IL2RA: variants seen among roughly 807,000 people sequenced by gnomAD.
IL2RA encodes the protein interleukin-2 receptor subunit alpha.
A neutral mutation model predicts 37.8 loss-of-function variants in IL2RA; 24 were observed. The ratio of observed to expected loss-of-function variants is 0.63; its 90% CI spans 0.46 to 0.89. IL2RA has a LOEUF of 0.89. Among genes scored for constraint, IL2RA ranks in the 40% least tolerant of loss-of-function variants. The pLI is 0.00. For synonymous variants in IL2RA, 125 were observed against 114.6 expected, an observed-to-expected ratio of 1.09 and a Z score of -0.58; for missense variants, 319 against 348.6, an observed-to-expected ratio of 0.92 and a Z score of 0.68.
At chr10:6,040,801 T>C (rs1165824678) in intron 1 of IL2RA, among the ~76,000 whole-genome samples, 3 of 152,210 alleles carry the variant, frequency 2.0e-5, no homozygotes, top group Admixed American at 6.5e-5. Context: ...AAAGAGAAGA[T>C]AAAAATAATC....
At position 6,021,392 on chromosome 10, in the gene IL2RA, G is replaced by A. The variant is rs11256360; in HGVS notation, c.583+86C>T. ...AGGGTCTTGTCCAAGGACCACTCTT[G>A]TCCAGCAGGAGTGGTCAGGGATTCC... On this transcript the variant is annotated intron_variant, in intron 4 of 7. Coordinates refer to ENST00000379959, the MANE Select transcript of IL2RA (RefSeq NM_000417.3). The surrounding 1 kb of genome is among the most constrained non-coding windows in gnomAD (Gnocchi z 4.9). 42,305 of 1,114,754 alleles carry A rather than the reference G, an allele frequency of 0.038. 1,854 individuals carry two copies. The highest frequency in any genetic ancestry group is 0.19 in the African/African-American group (12,071 of 64,992). The allele number at this position is 1,114,754 out of a possible 1,614,324, so 69.1% of individuals were successfully genotyped here.
Position 6,015,485 on chromosome 10 carries a change from A to G in IL2RA, c.794+2568T>C, listed in dbSNP as rs551767536. ...TATCACCTGGGAACCTGATAGAAAT[A>G]CAGATTCCTGGACCTAAGCAAGACG... is the stretch of plus-strand genomic sequence containing the variant. On this transcript the variant is annotated intron_variant, in intron 7 of 7. Coordinates refer to ENST00000379959, the MANE Select transcript of IL2RA (RefSeq NM_000417.3). The surrounding 1 kb of genome is among the most constrained non-coding windows in gnomAD (Gnocchi z 4.9). 3.3e-5 allele frequency among the ~76,000 whole-genome samples: 5 copies of G among 152,312 alleles called. No individual in the cohort carries two copies. Among genetic ancestry groups the G allele is most frequent in the African/African-American group, 1.2e-4 (5 of 41,574 alleles).
chr10:6,028,881 C>T lies in IL2RA; in HGVS notation c.65-2856G>A, dbSNP rs1183368546. 1.3e-5 allele frequency among the ~76,000 whole-genome samples: 2 copies of T among 151,772 alleles called. No individual in the cohort carries two copies. Among genetic ancestry groups the T allele is most frequent in the Non-Finnish European group, 2.9e-5 (2 of 67,948 alleles). On this transcript the variant is annotated intron_variant, in intron 1 of 7. Coordinates refer to ENST00000379959, the MANE Select transcript of IL2RA (RefSeq NM_000417.3). This position sits in a 1 kb window ranked among gnomAD's most constrained non-coding sequence, Gnocchi z 4.1. ...GAGTGTGGCAGCGCATGTCTGTAGT[C>T]CCAGGTACTTGGGAGGCTGAGGCAG...
At chr10:6,043,995 G>A (rs1379758454) in intron 1 of IL2RA, among the ~76,000 whole-genome samples, 1 of 152,220 alleles carries the variant, frequency 6.6e-6, no homozygotes, top group Non-Finnish European at 1.5e-5. Flanking sequence ...GTCTGTGGAT[G>A]TGGAACTTTA....
chr10:6,026,174 T>A, intron 1 of IL2RA, 149 bp from the exon 2 acceptor site: 1 of 797,238 alleles, frequency 1.3e-6, no homozygotes, highest in South Asian at 1.6e-5. Flanking sequence ...CTAAGGCTGC[T>A]ACCATTGTTC....
At chr10:6,031,551 A>G (rs1461481889) in intron 1 of IL2RA, among the ~76,000 whole-genome samples, 1 of 143,578 alleles carries the variant, frequency 7.0e-6, no homozygotes, top group Non-Finnish European at 1.5e-5. Context: ...AGTTAGTTCT[A>G]TATACTGACA....
intron 1 of IL2RA, among the ~76,000 whole-genome samples, chr10:6,052,476 A>G (rs1839980986): frequency 6.6e-6 from 1 of 152,226 alleles, no homozygotes; most frequent in Non-Finnish European, 1.5e-5. Context: ...GAATGAATGA[A>G]TGAACAAAGG....
rs540847427 is a variant in IL2RA at position 6,035,174 on chromosome 10, C to G, written c.65-9149G>C. Among the ~76,000 whole-genome samples, 6 of 152,340 alleles carry G rather than the reference C, an allele frequency of 3.9e-5. No homozygotes were observed. The highest frequency in any genetic ancestry group is 4.1e-4 in the South Asian group (2 of 4,828). On this transcript the variant is annotated intron_variant, in intron 1 of 7. Coordinates refer to ENST00000379959, the MANE Select transcript of IL2RA (RefSeq NM_000417.3). The surrounding 1 kb of genome is among the most constrained non-coding windows in gnomAD (Gnocchi z 5.4). ...CACCCTGCCCAGCACCTACTCCCAC[C>G]AGGCAACTGAGTGGTATTTAGTCTG...
At chr10:6,051,515 ATATT>A (rs199729533) in intron 1 of IL2RA, among the ~76,000 whole-genome samples, 6,189 of 46,338 alleles carry the variant, frequency 0.13, 291 homozygotes, top group Admixed American at 0.3. Context: ...ATATATATAT[ATATT>A]TTTTTTCTTT....
intron 1 of IL2RA, among the ~76,000 whole-genome samples, chr10:6,052,909 G>A (rs1447745748): frequency 6.6e-6 from 1 of 152,100 alleles, no homozygotes; most frequent in African/African-American, 2.4e-5. Flanking sequence ...TGCTCTGGGG[G>A]TAGAAGGAAG....
rs1839662854 is a variant in IL2RA, at chr10:6,035,292, C to T, written c.65-9267G>A. Reference sequence around the variant, plus strand: ...GACTTTCTGTTTGCCCTGGGTCTCCCTGTGTGGGCAGGGATGGAGAGTGAG... The same window carrying T: ...GACTTTCTGTTTGCCCTGGGTCTCCTTGTGTGGGCAGGGATGGAGAGTGAG... On this transcript the variant is annotated intron_variant, in intron 1 of 7. Coordinates refer to ENST00000379959, the MANE Select transcript of IL2RA (RefSeq NM_000417.3). This position sits in a 1 kb window ranked among gnomAD's most constrained non-coding sequence, Gnocchi z 5.4. 6.6e-6 allele frequency among the ~76,000 whole-genome samples: 1 copy of T among 152,206 alleles called. No individual in the cohort carries two copies. Among genetic ancestry groups the T allele is most frequent in the African/African-American group, 2.4e-5 (1 of 41,450 alleles).
chr10:6,030,299 G>A (rs141168733), intron 1 of IL2RA, among the ~76,000 whole-genome samples: 3 of 152,202 alleles, frequency 2.0e-5, no homozygotes, highest in Non-Finnish European at 2.9e-5. Context: ...AGATGTTCAC[G>A]GCACCAAGCA....
Position 6,025,993 on chromosome 10 carries a change from G to C in IL2RA, c.97C>G (p.His33Asp), listed in dbSNP as rs1367374934. 1 of 1,613,698 alleles carries C rather than the reference G, an allele frequency of 6.2e-7. No individual in the cohort carries two copies. Among genetic ancestry groups the C allele is most frequent in the East Asian group, 2.2e-5 (1 of 44,894 alleles). The change falls in exon 2 of 8, where the codon CAC becomes GAC. Residue 33 changes from histidine to aspartate, a missense_variant. His to Asp is a moderately conservative substitution (Grantham distance 81, BLOSUM62 -1). Transcript: ENST00000379959. This position sits in a 1 kb window ranked among gnomAD's most constrained non-coding sequence, Gnocchi z 4.4. Reference sequence around the variant, plus strand: ...TAGGCCATGGCTTTGAATGTGGCGTGTGGGATCTCTGGCGGGTCATCGTCA... The same window carrying C: ...TAGGCCATGGCTTTGAATGTGGCGTCTGGGATCTCTGGCGGGTCATCGTCA... ...LCDDDPPEIP[H>D]ATFKAMAYKE...
chr10:6,042,762 C>T (rs1379103189), intron 1 of IL2RA, among the ~76,000 whole-genome samples: 4 of 152,014 alleles, frequency 2.6e-5, no homozygotes, highest in Admixed American at 2.6e-4. Context: ...CATGTGGAAG[C>T]ATTCTCAATA....
intron 7 of IL2RA, among the ~76,000 whole-genome samples, chr10:6,017,355 G>A (rs1589290852): frequency 6.6e-6 from 1 of 152,126 alleles, no homozygotes; most frequent in East Asian, 1.9e-4. Context: ...GGTAGGGGCT[G>A]GGTGGGAAAA....
At chr10:6,051,287 G>C (rs1414478913) in intron 1 of IL2RA, among the ~76,000 whole-genome samples, 1 of 151,896 alleles carries the variant, frequency 6.6e-6, no homozygotes, top group Non-Finnish European at 1.5e-5. Context: ...GCATGCAGCC[G>C]GGTGTCATCC....
rs12722695 is a variant in IL2RA at position 6,021,800 on chromosome 10, G to C, written c.368-107C>G. 283 of 845,412 alleles carry C rather than the reference G, an allele frequency of 3.3e-4. 1 individual carries two copies. In the African/African-American group the frequency reaches 3.5e-3, roughly 11 times the overall value. 52.4% of individuals were successfully genotyped at this position (845,412 alleles called of 1,614,324 possible). A position where few individuals can be genotyped will look rare whatever the true frequency, so the allele number is the denominator to read the frequency against. ...GACCTTGGTTCTTACTCTCTTGACT[G>C]CTTGCTCATCCTTTCATTCAACCAA... On this transcript the variant is annotated intron_variant, in intron 3 of 7. Transcript: ENST00000379959. The surrounding 1 kb of genome is among the most constrained non-coding windows in gnomAD (Gnocchi z 4.9).
intron 1 of IL2RA, among the ~76,000 whole-genome samples, chr10:6,053,582 G>T (rs1839996017): frequency 6.6e-6 from 1 of 152,204 alleles, no homozygotes; most frequent in Non-Finnish European, 1.5e-5. Context: ...ATCAGGGCCT[G>T]TTGGAGACTG....
Position 6,058,223 on chromosome 10 carries a change from G to A in IL2RA, c.64+3865C>T, listed in dbSNP as rs1232924546. On this transcript the variant is annotated intron_variant, in intron 1 of 7. Coordinates refer to ENST00000379959, the MANE Select transcript of IL2RA (RefSeq NM_000417.3). The surrounding 1 kb of genome is among the most constrained non-coding windows in gnomAD (Gnocchi z 4.2). ...GGAATACTTCTCTATCAGGGGAGTGGGGTGGAGTAGTGGAGTTTTAGAGCT... is the reference window on the plus strand; with the variant it reads ...GGAATACTTCTCTATCAGGGGAGTGAGGTGGAGTAGTGGAGTTTTAGAGCT... Among the ~76,000 whole-genome samples the A allele has an allele frequency of 1.3e-5, 2 of 152,180 alleles. No homozygotes were observed. Among genetic ancestry groups the A allele is most frequent in the Non-Finnish European group, 1.5e-5 (1 of 68,030 alleles).
Sources: allele counts gnomAD v4.1 joint callset (sites outside exome capture counted in the v4.1 genomes callset), GRCh38; gene constraint gnomAD v4.1.1; non-coding constraint Gnocchi (gnomAD v3.1); transcripts MANE v1.5; gene names NCBI Gene and HGNC (gene_info 2026-07-23, HGNC 2026-07-21).